The following LUC7L2 variants were observed in gnomAD, a reference collection of about 807,000 sequenced individuals.
LUC7L2 encodes the protein putative RNA-binding protein Luc7-like 2.
LUC7L2 carries 25 observed loss-of-function variants against 52.8 expected under a neutral mutation model. The observed-to-expected ratio is 0.47, with a 90% CI of 0.34 to 0.66. The LOEUF is 0.66. Ranked by LOEUF, LUC7L2 falls within the 30% of genes least tolerant of loss-of-function variation. The pLI, the probability that LUC7L2 is intolerant of heterozygous loss-of-function variation, is 0.01. For missense variants in LUC7L2, 328 were observed against 497.8 expected, an observed-to-expected ratio of 0.66 and a Z score of 3.25; for synonymous variants, 144 against 160.9, an observed-to-expected ratio of 0.89 and a Z score of 0.80.
intron 3 of LUC7L2, among the ~76,000 whole-genome samples, chr7:139,399,132 G>A (rs1264601785): frequency 1.3e-5 from 2 of 151,928 alleles, no homozygotes; most frequent in Non-Finnish European, 2.9e-5. Flanking sequence ...TCTGTAGAAG[G>A]AACCAACTGG....
intron 9 of LUC7L2, among the ~76,000 whole-genome samples, chr7:139,420,713 A>G (rs764663229): frequency 6.6e-6 from 1 of 152,128 alleles, no homozygotes; most frequent in Non-Finnish European, 1.5e-5. Context: ...TTTAGGTATC[A>G]TTTTTACCAT....
intron 9 of LUC7L2, among the ~76,000 whole-genome samples, chr7:139,418,893 G>A (rs569645435): frequency 5.3e-5 from 8 of 152,172 alleles, no homozygotes; most frequent in African/African-American, 1.7e-4. Flanking sequence ...CGAGATGGGC[G>A]TATCACTTGA....
chr7:139,346,987 T>G (rs766774535), intron 1 of LUC7L2, among the ~76,000 whole-genome samples: 13 of 152,232 alleles, frequency 8.5e-5, no homozygotes, highest in Non-Finnish European at 1.8e-4. Context: ...GTTCAAGCAC[T>G]GAGAATCTTT....
At chr7:139,346,990 G>T (rs907563666) in intron 1 of LUC7L2, among the ~76,000 whole-genome samples, 1 of 152,158 alleles carries the variant, frequency 6.6e-6, no homozygotes, top group Non-Finnish European at 1.5e-5. Flanking sequence ...CAAGCACTGA[G>T]AATCTTTTGG....
intron 2 of LUC7L2, among the ~76,000 whole-genome samples, chr7:139,378,347 C>A (rs189468032): frequency 8.6e-5 from 13 of 151,890 alleles, no homozygotes; most frequent in African/African-American, 3.1e-4. Flanking sequence ...ATTAACAAAA[C>A]CACTTGAGGC....
chr7:139,379,310 G>A (rs1471240896), intron 2 of LUC7L2, among the ~76,000 whole-genome samples: 7 of 151,918 alleles, frequency 4.6e-5, no homozygotes, highest in Non-Finnish European at 8.8e-5. Context: ...AAAGGTAGCC[G>A]GGACAACATA....
In LUC7L2 at chr7:139,422,062, T is replaced by C; in HGVS notation, c.1002-101T>C. ...CTCCTCTGTCATGGGTATATTCGTC[T>C]ATATATCTTCAGCTATCAAGAGCTT... On this transcript the variant is annotated intron_variant, in intron 9 of 9. Coordinates refer to ENST00000354926, the MANE Select transcript of LUC7L2 (RefSeq NM_016019.5). 3 of 1,460,942 alleles carry C rather than the reference T, an allele frequency of 2.1e-6. No individual in the cohort carries two copies. In the South Asian group the frequency reaches 4.5e-5, roughly 22 times the overall value. 90.5% of individuals were successfully genotyped at this position (1,460,942 alleles called of 1,614,324 possible).
chr7:139,370,630 T>C (rs1458771731), intron 1 of LUC7L2, among the ~76,000 whole-genome samples: 1 of 151,968 alleles, frequency 6.6e-6, no homozygotes, highest in East Asian at 1.9e-4. Flanking sequence ...AATTTTTATA[T>C]TTTTAGTAGT....
At chr7:139,382,484 G>A (rs1443205999) in intron 2 of LUC7L2, among the ~76,000 whole-genome samples, 1 of 152,104 alleles carries the variant, frequency 6.6e-6, no homozygotes, top group Non-Finnish European at 1.5e-5. Context: ...CTGAGTTCGA[G>A]TGATTTTCCT....
chr7:139,377,590 C>T (rs760981899), intron 2 of LUC7L2, among the ~76,000 whole-genome samples: 1 of 152,054 alleles, frequency 6.6e-6, no homozygotes, highest in East Asian at 1.9e-4. Flanking sequence ...GATGAAGTTT[C>T]GTCATGTTGG....
intron 1 of LUC7L2, among the ~76,000 whole-genome samples, chr7:139,370,862 C>T (rs1201620616): frequency 7.6e-6 from 1 of 131,864 alleles, no homozygotes; most frequent in Non-Finnish European, 1.6e-5. Flanking sequence ...GTGAACTCAG[C>T]AGCTTATGTT....
At chr7:139,400,006 TAGG>T (rs1794836966) in intron 3 of LUC7L2, among the ~76,000 whole-genome samples, 2 of 152,354 alleles carry the variant, frequency 1.3e-5, no homozygotes, top group East Asian at 3.9e-4. Context: ...AATTTGGTTT[TAGG>T]AGATAAACCA....
chr7:139,389,871 A>G (rs1344291413), intron 2 of LUC7L2, among the ~76,000 whole-genome samples: 1 of 152,218 alleles, frequency 6.6e-6, no homozygotes, highest in African/African-American at 2.4e-5. Context: ...GAGTGCTTTT[A>G]TAAACATCTT....
intron 2 of LUC7L2, among the ~76,000 whole-genome samples, chr7:139,389,414 A>G (rs1312771480): frequency 1.3e-5 from 2 of 152,258 alleles, no homozygotes; most frequent in Non-Finnish European, 2.9e-5. Flanking sequence ...ATCTTCTAGT[A>G]GAAATCTTCT....
intron 1 of LUC7L2, chr7:139,341,542 G>A (rs1285693188): frequency 1.4e-5 from 23 of 1,606,502 alleles, no homozygotes; most frequent in Non-Finnish European, 1.9e-5. Context: ...CCATGTCCCG[G>A]GTGCTCTACG....
At chr7:139,356,314 CAA>C (rs10524961), upstream of LUC7L2, among the ~76,000 whole-genome samples, 5 of 82,960 alleles carry the variant, frequency 6.0e-5, no homozygotes, top group South Asian at 4.5e-4. Context: ...GACCCTATCT[CAA>C]AAAAAAAAAA....
intron 2 of LUC7L2, among the ~76,000 whole-genome samples, chr7:139,397,565 G>T (rs1794716985): frequency 6.6e-6 from 1 of 152,142 alleles, no homozygotes; most frequent in Admixed American, 6.5e-5. Flanking sequence ...CAACCCTCCA[G>T]AGATTTTGAG....
intron 1 of LUC7L2, among the ~76,000 whole-genome samples, chr7:139,373,439 TTTG>T (rs1404085820): frequency 9.2e-5 from 14 of 152,218 alleles, no homozygotes; most frequent in Admixed American, 9.2e-4. Context: ...GATAGCTGTA[TTTG>T]TTGAGTTTGC....
At chr7:139,379,102 G>A (rs904583446) in intron 2 of LUC7L2, among the ~76,000 whole-genome samples, 10 of 152,138 alleles carry the variant, frequency 6.6e-5, no homozygotes, top group African/African-American at 7.2e-5. Context: ...TGATCTGTTC[G>A]CCTCAGCCTC....
Sources: allele counts gnomAD v4.1 joint callset (sites outside exome capture counted in the v4.1 genomes callset), GRCh38; gene constraint gnomAD v4.1.1; transcripts MANE v1.5; gene names NCBI Gene and HGNC (gene_info 2026-07-23, HGNC 2026-07-21).